EPHA6: variants seen among roughly 807,000 people sequenced by gnomAD.
EPHA6 encodes ephrin type-A receptor 6.
A neutral mutation model predicts 112.0 loss-of-function variants in EPHA6; 50 were observed. The observed-to-expected ratio is 0.45, with a 90% CI of 0.36 to 0.56. The LOEUF is 0.56. Ranked by LOEUF, EPHA6 falls within the 20% of genes least tolerant of loss-of-function variation. The probability of loss-of-function intolerance (pLI) is 0.00; values close to 1 mark genes in which losing one functional copy is unlikely to be tolerated. For missense variants in EPHA6, 1,280 were observed against 1,417.4 expected (o/e 0.90, Z 1.56); for synonymous variants, 529 against 490.7 (o/e 1.08, Z -1.03).
chr3:97,618,365 G>T (rs539690875), intron 13 of EPHA6, among the ~76,000 whole-genome samples: 19 of 152,140 alleles, frequency 1.2e-4, no homozygotes, highest in Non-Finnish European at 2.8e-4. Context: ...AAAACTAAAA[G>T]AATGACAGAA....
intron 5 of EPHA6, among the ~76,000 whole-genome samples, chr3:97,268,222 T>G (rs1401094830): frequency 2.6e-5 from 4 of 152,172 alleles, no homozygotes; most frequent in African/African-American, 9.7e-5. Context: ...AGAAAAAGCT[T>G]TCTTTTCTAA....
intron 2 of EPHA6, among the ~76,000 whole-genome samples, chr3:96,938,185 A>C (rs1303860286): frequency 6.6e-6 from 1 of 152,094 alleles, no homozygotes; most frequent in African/African-American, 2.4e-5. Flanking sequence ...TTGAATCTAT[A>C]AATTACCTTG....
chr3:97,020,987 G>C (rs907392045), intron 3 of EPHA6, among the ~76,000 whole-genome samples: 17 of 151,928 alleles, frequency 1.1e-4, no homozygotes, highest in Admixed American at 7.9e-4. Context: ...TCATTTTAAT[G>C]AATTACAACT....
intron 5 of EPHA6, among the ~76,000 whole-genome samples, chr3:97,263,467 A>ACACACACC (rs1553732540): frequency 3.3e-5 from 5 of 150,558 alleles, no homozygotes; most frequent in Admixed American, 6.7e-5. Flanking sequence ...ACACACACAC[A>ACACACACC]CCCGCTAGGC....
intron 3 of EPHA6, among the ~76,000 whole-genome samples, chr3:97,176,231 C>A (rs1333094432): frequency 6.6e-6 from 1 of 151,784 alleles, no homozygotes; most frequent in Non-Finnish European, 1.5e-5. Flanking sequence ...ACCACCTTTG[C>A]ATTGCAGGGA....
intron 3 of EPHA6, among the ~76,000 whole-genome samples, chr3:97,042,087 A>G (rs1249693418): frequency 6.6e-6 from 1 of 152,094 alleles, no homozygotes; most frequent in Non-Finnish European, 1.5e-5. Context: ...GTAGTGTGTG[A>G]TAATGTTTGC....
chr3:96,849,007 A>C (rs2107360333), intron 1 of EPHA6, among the ~76,000 whole-genome samples: 1 of 152,270 alleles, frequency 6.6e-6, no homozygotes, highest in Non-Finnish European at 1.5e-5. Flanking sequence ...AAAAAAGTGG[A>C]AATTTCCTAG....
At chr3:97,116,998 G>GT (rs779640294) in intron 3 of EPHA6, among the ~76,000 whole-genome samples, 1 of 151,392 alleles carries the variant, frequency 6.6e-6, no homozygotes, top group Non-Finnish European at 1.5e-5. Context: ...AACACTTATC[G>GT]TTTGTCTTTT....
intron 14 of EPHA6, among the ~76,000 whole-genome samples, chr3:97,671,303 A>G (rs1056470537): frequency 6.6e-6 from 1 of 152,134 alleles, no homozygotes; most frequent in Non-Finnish European, 1.5e-5. Flanking sequence ...TCTTAATTCT[A>G]TATTCCCAGG....
At chr3:97,589,845 C>T (rs1424524996) in intron 11 of EPHA6, among the ~76,000 whole-genome samples, 1 of 152,112 alleles carries the variant, frequency 6.6e-6, no homozygotes, top group Non-Finnish European at 1.5e-5. Context: ...AGATATTGCT[C>T]CTGCTACACA....
At chr3:97,281,594 G>A (rs918926615) in intron 5 of EPHA6, among the ~76,000 whole-genome samples, 2 of 151,528 alleles carry the variant, frequency 1.3e-5, no homozygotes, top group Non-Finnish European at 2.9e-5. Flanking sequence ...AAGCCTGAAG[G>A]GATTATAACA....
rs114564612 is a variant in EPHA6 at position 97,424,529 on chromosome 3, G to T, written c.1731+19255G>T. On this transcript the variant is annotated intron_variant, in intron 6 of 17. Coordinates refer to ENST00000389672, the MANE Select transcript of EPHA6 (RefSeq NM_001080448.3). Reference sequence around the variant, plus strand: ...AAATCAAAAGCAAATTAGTGGCCATGCTTGGTGGTCATGCCTGTAATCCCA... The same window carrying T: ...AAATCAAAAGCAAATTAGTGGCCATTCTTGGTGGTCATGCCTGTAATCCCA... 9.5e-3 allele frequency among the ~76,000 whole-genome samples: 1,440 copies of T among 152,198 alleles called. 6 individuals carry two copies. Among genetic ancestry groups the T allele is most frequent in the Middle Eastern group, 0.017 (5 of 294 alleles).
At chr3:97,657,379 A>C (rs301957) in intron 14 of EPHA6, among the ~76,000 whole-genome samples, 94,374 of 151,554 alleles carry the variant, frequency 0.62, 29,565 homozygotes, top group African/African-American at 0.71. Flanking sequence ...GGAATAAACT[A>C]TTATACCTTC....
intron 3 of EPHA6, among the ~76,000 whole-genome samples, chr3:97,128,566 A>C (rs1375501787): frequency 6.6e-6 from 1 of 152,056 alleles, no homozygotes; most frequent in Non-Finnish European, 1.5e-5. Flanking sequence ...ATGACTATGC[A>C]GGAGTGCAGT....
intron 14 of EPHA6, among the ~76,000 whole-genome samples, chr3:97,664,033 G>T (rs935175129): frequency 2.6e-5 from 4 of 152,154 alleles, no homozygotes; most frequent in Non-Finnish European, 5.9e-5. Context: ...CATTCTAACT[G>T]GTGTGAGATG....
chr3:97,602,893 C>T (rs980644014), intron 12 of EPHA6, among the ~76,000 whole-genome samples: 5 of 151,706 alleles, frequency 3.3e-5, no homozygotes, highest in Non-Finnish European at 7.4e-5. Context: ...TATAGTATTT[C>T]AAGATATGAA....
At chr3:96,884,565 A>C (rs754397228) in intron 2 of EPHA6, among the ~76,000 whole-genome samples, 2 of 152,176 alleles carry the variant, frequency 1.3e-5, no homozygotes, top group Non-Finnish European at 2.9e-5. Flanking sequence ...ACTTGTGTAC[A>C]TTAATCTTGT....
At chr3:97,243,095 A>G (rs1055824979) in intron 4 of EPHA6, among the ~76,000 whole-genome samples, 2 of 151,810 alleles carry the variant, frequency 1.3e-5, no homozygotes, top group Non-Finnish European at 2.9e-5. Flanking sequence ...AGCGGCTATC[A>G]AGCACTCTAC....
chr3:97,368,407 T>C (rs1022257536), intron 5 of EPHA6, among the ~76,000 whole-genome samples: 1 of 152,152 alleles, frequency 6.6e-6, no homozygotes, highest in African/African-American at 2.4e-5. Flanking sequence ...ATTTATGGAA[T>C]TTGAAAATAT....
Sources: allele counts gnomAD v4.1 joint callset (sites outside exome capture counted in the v4.1 genomes callset), GRCh38; gene constraint gnomAD v4.1.1; transcripts MANE v1.5; gene names NCBI Gene and HGNC (gene_info 2026-07-23, HGNC 2026-07-21).